KIAA1958: variants seen among roughly 807,000 people sequenced by gnomAD.
KIAA1958 encodes the protein KIAA1958, also known as uncharacterized protein KIAA1958.
In KIAA1958, 14 loss-of-function variants were observed where a neutral mutation model predicts 47.2. That is an observed-to-expected ratio of 0.30 (90% CI 0.20 to 0.46). KIAA1958 has a LOEUF of 0.46. Ranked by LOEUF, KIAA1958 falls within the 20% of genes least tolerant of loss-of-function variation. The probability of loss-of-function intolerance (pLI) is 1.00; values close to 1 mark genes in which losing one functional copy is unlikely to be tolerated. For synonymous variants in KIAA1958, 354 were observed against 353.3 expected (o/e 1.00, Z -0.02); for missense variants, 803 against 909.2 (o/e 0.88, Z 1.50).
At chr9:112,534,996 G>A (rs1423378980) in intron 1 of KIAA1958, among the ~76,000 whole-genome samples, 1 of 152,106 alleles carries the variant, frequency 6.6e-6, no homozygotes. Flanking sequence ...AATAAAAATT[G>A]TATATATTTA....
chr9:112,538,393 C>T (rs1396891755), intron 1 of KIAA1958, among the ~76,000 whole-genome samples: 1 of 151,860 alleles, frequency 6.6e-6, no homozygotes, highest in Non-Finnish European at 1.5e-5. Context: ...TCAGACTGAA[C>T]TAAATAAACC....
chr9:112,545,532 AATG>A (rs1482794193), intron 1 of KIAA1958, among the ~76,000 whole-genome samples: 1 of 152,134 alleles, frequency 6.6e-6, no homozygotes, highest in African/African-American at 2.4e-5. Context: ...GAACATATGA[AATG>A]ATCATATTTT....
At chr9:112,499,302 G>A (rs1834095512) in intron 1 of KIAA1958, among the ~76,000 whole-genome samples, 1 of 152,156 alleles carries the variant, frequency 6.6e-6, no homozygotes, top group Admixed American at 6.5e-5. Flanking sequence ...GATTAGTATT[G>A]TAGTTCTGTT....
chr9:112,609,716 G>A lies in KIAA1958; in HGVS notation c.1171+34465G>A, dbSNP rs149272754. Among the ~76,000 whole-genome samples the A allele has an allele frequency of 3.2e-3, 488 of 151,926 alleles. 3 individuals are homozygous for A. The highest frequency in any genetic ancestry group is 0.011 in the African/African-American group (457 of 41,444). ...ACAGGCATGCACCACCACACCCAGC[G>A]AATTTTTAAATTTTTGGTAGAGACC... is the stretch of plus-strand genomic sequence containing the variant. On this transcript the variant is annotated intron_variant, in intron 2 of 3. Coordinates refer to ENST00000337530, the MANE Select transcript of KIAA1958 (RefSeq NM_133465.4).
At chr9:112,545,341 A>C (rs1835009128) in intron 1 of KIAA1958, among the ~76,000 whole-genome samples, 1 of 152,212 alleles carries the variant, frequency 6.6e-6, no homozygotes, top group African/African-American at 2.4e-5. Context: ...TTTTGACTGC[A>C]TGGTAAATTG....
chr9:112,487,621 G>C (rs1833884424), intron 1 of KIAA1958, among the ~76,000 whole-genome samples: 2 of 152,152 alleles, frequency 1.3e-5, no homozygotes, highest in Non-Finnish European at 2.9e-5. Flanking sequence ...GCTCGCCGAG[G>C]TGCGTTTGGG....
intron 1 of KIAA1958, among the ~76,000 whole-genome samples, chr9:112,500,545 C>T (rs1834116926): frequency 6.6e-6 from 1 of 151,842 alleles, no homozygotes; most frequent in African/African-American, 2.4e-5. Context: ...CTGCCTTGGC[C>T]TCCCAAAGTG....
intron 1 of KIAA1958, among the ~76,000 whole-genome samples, chr9:112,569,733 G>A (rs967761737): frequency 3.6e-4 from 54 of 151,460 alleles, no homozygotes; most frequent in African/African-American, 1.2e-3. Flanking sequence ...TGATTTTCCC[G>A]CCTCAGCCTC....
intron 1 of KIAA1958, among the ~76,000 whole-genome samples, chr9:112,563,207 G>T (rs1835368364): frequency 6.6e-6 from 1 of 151,808 alleles, no homozygotes; most frequent in Non-Finnish European, 1.5e-5. Context: ...TGGGATTATA[G>T]GTGTGAGCCT....
chr9:112,633,211 T>G (rs1223524821), intron 2 of KIAA1958, among the ~76,000 whole-genome samples: 1 of 152,022 alleles, frequency 6.6e-6, no homozygotes, highest in Non-Finnish European at 1.5e-5. Context: ...GATACTTTTT[T>G]TTTTTTTTAG....
intron 1 of KIAA1958, among the ~76,000 whole-genome samples, chr9:112,489,317 A>G (rs992055685): frequency 3.9e-5 from 6 of 152,222 alleles, no homozygotes; most frequent in Non-Finnish European, 4.4e-5. Context: ...TAGTGATAAG[A>G]TTTAACAAAG....
intron 1 of KIAA1958, among the ~76,000 whole-genome samples, chr9:112,507,635 C>T (rs1342614465): frequency 1.3e-5 from 2 of 152,160 alleles, no homozygotes; most frequent in African/African-American, 2.4e-5. Context: ...AGGCCCTGAG[C>T]GACTCACTGT....
intron 2 of KIAA1958, among the ~76,000 whole-genome samples, chr9:112,636,850 A>G (rs1469459290): frequency 6.6e-6 from 1 of 152,176 alleles, no homozygotes; most frequent in Non-Finnish European, 1.5e-5. Flanking sequence ...TTTAATTGGA[A>G]TATCTATAAT....
chr9:112,524,680 C>T (rs1834610023), intron 1 of KIAA1958, among the ~76,000 whole-genome samples: 1 of 152,176 alleles, frequency 6.6e-6, no homozygotes, highest in Admixed American at 6.5e-5. Context: ...GTGTAATAGC[C>T]ACTAGCCATC....
At chr9:112,651,299 G>C (rs1837050957) in intron 3 of KIAA1958, among the ~76,000 whole-genome samples, 1 of 151,398 alleles carries the variant, frequency 6.6e-6, no homozygotes, top group African/African-American at 2.4e-5. Context: ...TTAATTAAAA[G>C]GGTTAAAATC....
At chr9:112,587,303 C>T (rs1835843219) in intron 2 of KIAA1958, among the ~76,000 whole-genome samples, 1 of 152,154 alleles carries the variant, frequency 6.6e-6, no homozygotes, top group East Asian at 1.9e-4. Context: ...GCATGCGCCA[C>T]AATGCCTGGC....
chr9:112,562,723 T>A (rs1745470636), intron 1 of KIAA1958, among the ~76,000 whole-genome samples: 1 of 152,208 alleles, frequency 6.6e-6, no homozygotes, highest in African/African-American at 2.4e-5. Context: ...AAACAAGGTT[T>A]ATAGGTAATC....
At chr9:112,556,983 GTTTTGTTTTTGT>G (rs1322381692) in intron 1 of KIAA1958, among the ~76,000 whole-genome samples, 1 of 152,082 alleles carries the variant, frequency 6.6e-6, no homozygotes, top group Non-Finnish European at 1.5e-5. Context: ...TTCATTCAGT[GTTTTGTTTTTGT>G]TTTTGTTTTT....
chr9:112,646,788 A>C (rs1836982069), intron 3 of KIAA1958, among the ~76,000 whole-genome samples: 1 of 152,204 alleles, frequency 6.6e-6, no homozygotes, highest in Non-Finnish European at 1.5e-5. Context: ...ATCCAACTTG[A>C]AATGCTTGAG....
Sources: gnomAD v4.1 joint callset for allele counts (sites outside exome capture counted in the v4.1 genomes callset) on GRCh38, gnomAD v4.1.1 for gene constraint, MANE v1.5 for transcripts, NCBI Gene and HGNC (gene_info 2026-07-23, HGNC 2026-07-21) for gene names.